Variants in FARS2 observed in about 807,000 individuals in gnomAD.
FARS2 encodes the protein phenylalanyl-tRNA synthetase 2, mitochondrial.
Under a neutral mutation model 46.4 loss-of-function variants are expected in FARS2, and 40 were observed. The observed-to-expected ratio is 0.86, with a 90% CI of 0.67 to 1.12. FARS2 has a LOEUF of 1.12. FARS2 is among the 50% of genes most tolerant of loss of function. The probability of loss-of-function intolerance (pLI) is 0.00; values close to 1 mark genes in which losing one functional copy is unlikely to be tolerated. For synonymous variants in FARS2, 234 were observed against 214.9 expected, an observed-to-expected ratio of 1.09 and a Z score of -0.78; for missense variants, 513 against 567.9, an observed-to-expected ratio of 0.90 and a Z score of 0.98.
chr6:5,660,259 T>C (rs1305271552), intron 6 of FARS2, among the ~76,000 whole-genome samples: 1 of 152,206 alleles, frequency 6.6e-6, no homozygotes, highest in Non-Finnish European at 1.5e-5. Context: ...AGCAATAGTC[T>C]AGACTAGAGG....
chr6:5,596,123 T>C (rs1774183612), intron 5 of FARS2, among the ~76,000 whole-genome samples: 1 of 152,144 alleles, frequency 6.6e-6, no homozygotes, highest in Admixed American at 6.6e-5. Flanking sequence ...AAAATAGGAA[T>C]AGAGATGGTC....
chr6:5,513,471 T>G (rs755159547), intron 4 of FARS2, among the ~76,000 whole-genome samples: 1 of 152,222 alleles, frequency 6.6e-6, no homozygotes, highest in Non-Finnish European at 1.5e-5. Context: ...GAAGTGATAT[T>G]TAGCCGAAGG....
intron 1 of FARS2, among the ~76,000 whole-genome samples, chr6:5,358,263 T>C (rs913296981): frequency 6.6e-6 from 1 of 151,972 alleles, no homozygotes; most frequent in Non-Finnish European, 1.5e-5. Context: ...CTTGATTCTT[T>C]TTCATTAGCT....
intron 4 of FARS2, among the ~76,000 whole-genome samples, chr6:5,442,540 C>T (rs1763901656): frequency 6.6e-6 from 1 of 152,068 alleles, no homozygotes; most frequent in Non-Finnish European, 1.5e-5. Flanking sequence ...ATGAAGATAA[C>T]CCTTTTGCTT....
chr6:5,464,834 A>G (rs1765428289), intron 4 of FARS2, among the ~76,000 whole-genome samples: 1 of 152,234 alleles, frequency 6.6e-6, no homozygotes, highest in Admixed American at 6.5e-5. Flanking sequence ...AGAGGTCAAC[A>G]ATTTATTAAT....
intron 2 of FARS2, among the ~76,000 whole-genome samples, chr6:5,379,892 T>C (rs1402129145): frequency 6.6e-6 from 1 of 152,168 alleles, no homozygotes; most frequent in Non-Finnish European, 1.5e-5. Context: ...AGGAAAATAT[T>C]TCAAGGACTC....
intron 6 of FARS2, among the ~76,000 whole-genome samples, chr6:5,638,530 A>T (rs1776654366): frequency 6.6e-6 from 1 of 152,172 alleles, no homozygotes; most frequent in Non-Finnish European, 1.5e-5. Context: ...GTGCCACTGC[A>T]CTCCAGCCTG....
At chr6:5,724,934 C>G (rs1052887663) in intron 6 of FARS2, among the ~76,000 whole-genome samples, 2 of 152,364 alleles carry the variant, frequency 1.3e-5, no homozygotes, top group South Asian at 2.1e-4. Flanking sequence ...AGACATAGAC[C>G]TTTCCTTCCA....
At chr6:5,656,427 T>C (rs539548550) in intron 6 of FARS2, among the ~76,000 whole-genome samples, 217 of 152,318 alleles carry the variant, frequency 1.4e-3, no homozygotes, top group Middle Eastern at 3.4e-3. Context: ...GAGTGAGTAA[T>C]GTGCTTGAGC....
intron 6 of FARS2, among the ~76,000 whole-genome samples, chr6:5,705,372 T>C (rs1758679564): frequency 6.6e-6 from 1 of 152,116 alleles, no homozygotes; most frequent in Non-Finnish European, 1.5e-5. Flanking sequence ...GTGGAGGCCA[T>C]GCGAAATGAG....
chr6:5,745,992 G>A (rs542312498), intron 6 of FARS2, among the ~76,000 whole-genome samples: 1 of 152,322 alleles, frequency 6.6e-6, no homozygotes, highest in African/African-American at 2.4e-5. Flanking sequence ...CTGCATGCCT[G>A]TAATTATGAG....
chr6:5,262,104 C>T (rs1270051185), intron 1 of FARS2, among the ~76,000 whole-genome samples: 2 of 152,170 alleles, frequency 1.3e-5, no homozygotes, highest in Non-Finnish European at 2.9e-5. Context: ...TTTCTGCACT[C>T]AAGCACAGCG....
intron 6 of FARS2, among the ~76,000 whole-genome samples, chr6:5,749,123 G>A (rs1014506692): frequency 6.6e-6 from 1 of 152,196 alleles, no homozygotes; most frequent in Non-Finnish European, 1.5e-5. Context: ...TGAGCCACGG[G>A]CCCAGTCCTC....
chr6:5,741,952 G>C (rs919179999), intron 6 of FARS2, among the ~76,000 whole-genome samples: 4 of 152,150 alleles, frequency 2.6e-5, no homozygotes, highest in African/African-American at 9.7e-5. Context: ...ACGCCCAGCT[G>C]GGACTTCTCT....
intron 1 of FARS2, among the ~76,000 whole-genome samples, chr6:5,295,994 C>G (rs991351413): frequency 3.3e-5 from 5 of 152,086 alleles, no homozygotes; most frequent in Non-Finnish European, 7.4e-5. Flanking sequence ...TACTGTGTGC[C>G]AGGCGCATGC....
At chr6:5,531,463 G>A (rs1206031268) in intron 4 of FARS2, among the ~76,000 whole-genome samples, 1 of 152,210 alleles carries the variant, frequency 6.6e-6, no homozygotes, top group East Asian at 1.9e-4. Context: ...ATGGTCCAAA[G>A]TGAGTTTTTT....
intron 6 of FARS2, among the ~76,000 whole-genome samples, chr6:5,745,209 C>T (rs115174097): frequency 0.025 from 3,734 of 152,312 alleles, 64 homozygotes; most frequent in Non-Finnish European, 0.037. Flanking sequence ...GGAAAATGGC[C>T]CCTAAAGTGA....
intron 6 of FARS2, among the ~76,000 whole-genome samples, chr6:5,719,442 G>GAGAGAAAGAGAGAAAGAA (rs140806785): frequency 0.53 from 77,061 of 144,228 alleles, 21,328 homozygotes; most frequent in East Asian, 0.78. Context: ...AGGAAAGAAA[G>GAGAGAAAGAGAGAAAGAA]AGAGAAAGAG....
At chr6:5,695,293 C>A (rs1582785074) in intron 6 of FARS2, 1 of 152,388 alleles carries the variant, frequency 6.6e-6, no homozygotes, top group East Asian at 1.9e-4. Context: ...TAGGAAGTTA[C>A]ACAACAGCAG....
Sources: allele counts gnomAD v4.1 joint callset (sites outside exome capture counted in the v4.1 genomes callset), GRCh38; gene constraint gnomAD v4.1.1; transcripts MANE v1.5; gene names NCBI Gene and HGNC (gene_info 2026-07-23, HGNC 2026-07-21).